DLGAP5: variants seen among roughly 807,000 people sequenced by gnomAD.
The protein encoded by DLGAP5 is DLG associated protein 5.
In DLGAP5, 90 loss-of-function variants were observed where a neutral mutation model predicts 99.6. The ratio of observed to expected loss-of-function variants is 0.90; its 90% CI spans 0.76 to 1.08. DLGAP5 has a LOEUF of 1.08. DLGAP5 is among the 50% of genes least tolerant of loss of function. DLGAP5 has a pLI of 0.00. For missense variants in DLGAP5, 1,036 were observed against 983.5 expected (o/e 1.05, Z -0.71); for synonymous variants, 311 against 321.3 (o/e 0.97, Z 0.34).
In DLGAP5 at chr14:55,166,406, A is replaced by C. The variant is rs115915553; in HGVS notation, c.1548+2993T>G. Among the ~76,000 whole-genome samples the C allele has an allele frequency of 8.8e-3, 1,341 of 152,334 alleles. 20 individuals carry two copies. The highest frequency in any genetic ancestry group is 0.03 in the African/African-American group (1,234 of 41,582). On this transcript the variant is annotated intron_variant, in intron 12 of 18. Coordinates refer to ENST00000247191, the MANE Select transcript of DLGAP5 (RefSeq NM_014750.5). Reference sequence around the variant, plus strand: ...AGGAGTAGAAATGGGGATTGACTGCAAACAGGCAGGAGGCATCTTTTTATA... The same window carrying C: ...AGGAGTAGAAATGGGGATTGACTGCCAACAGGCAGGAGGCATCTTTTTATA...
At chr14:55,168,828 C>T (rs943184999) in intron 12 of DLGAP5, among the ~76,000 whole-genome samples, 1 of 152,014 alleles carries the variant, frequency 6.6e-6, no homozygotes, top group Non-Finnish European at 1.5e-5. Flanking sequence ...TCTCACAGGT[C>T]GAATCATTAT....
intron 10 of DLGAP5, among the ~76,000 whole-genome samples, chr14:55,173,603 C>A (rs58927205): frequency 0.067 from 9,886 of 148,356 alleles, 309 homozygotes; most frequent in African/African-American, 0.075. Flanking sequence ...CTCTCTCTCT[C>A]TATATATATA....
chr14:55,170,930 TA>T, intron 10 of DLGAP5, 143 bp from the exon 11 acceptor site: 1 of 604,280 alleles, frequency 1.7e-6, no homozygotes, highest in Non-Finnish European at 2.9e-6. Context: ...GAATTATTTA[TA>T]AACTGTGATA....
In DLGAP5 at chr14:55,183,550, C is replaced by T; in HGVS notation, c.432+10G>A. The stretch of plus-strand genomic sequence containing the variant: ...GAAACTATTCCTTTATATTAAGACA[C>T]TAAATTTACCTTTTTTGGCTCAGCT... On this transcript the variant is annotated intron_variant, in intron 3 of 18. Transcript: ENST00000247191. 1 of 1,539,138 alleles carries T rather than the reference C, an allele frequency of 6.5e-7. No homozygotes were observed. The highest frequency in any genetic ancestry group is 8.7e-7 in the Non-Finnish European group (1 of 1,150,150).
intron 13 of DLGAP5, among the ~76,000 whole-genome samples, chr14:55,159,756 AGGTTG>A (rs1025359935): frequency 1.3e-5 from 2 of 152,204 alleles, no homozygotes; most frequent in African/African-American, 4.8e-5. Flanking sequence ...GAATCATCAC[AGGTTG>A]GGTAAGATTG....
At chr14:55,153,565 C>T (rs1488123735) in intron 15 of DLGAP5, among the ~76,000 whole-genome samples, 1 of 151,374 alleles carries the variant, frequency 6.6e-6, no homozygotes, top group East Asian at 2.0e-4. Flanking sequence ...AATTTATCTC[C>T]ACTTCTTTCA....
chr14:55,148,571 A>G (rs374415089), intron 18 of DLGAP5, 98 bp from the exon 19 acceptor site: 1 of 1,586,784 alleles, frequency 6.3e-7, no homozygotes, highest in Admixed American at 1.7e-5. Flanking sequence ...TAACAAAAAT[A>G]AACCGGGTGC....
chr14:55,153,676 G>A (rs1399079066), intron 15 of DLGAP5, among the ~76,000 whole-genome samples: 1 of 152,052 alleles, frequency 6.6e-6, no homozygotes, highest in African/African-American at 2.4e-5. Context: ...CTTTGAGGAT[G>A]TTTTGGGGAA....
At position 55,177,299 on chromosome 14, in the gene DLGAP5, A is replaced by T; in HGVS notation, c.812T>A (p.Leu271Ter). ...ACTTGTTGCATTAGTTTGTGAATTC[A>T]AAGTATTTTCTTCACTATCGACTTT... is the stretch of plus-strand genomic sequence containing the variant. The part of the protein sequence containing the change: ...SCKVDSEENT[L>*]NSQTNATSGM... The change falls in exon 8 of 19, where the codon TTG becomes TAG. Residue 271 changes from leucine (L) to a stop codon, truncating the protein, a stop_gained. Transcript: ENST00000247191. LOFTEE classifies it high-confidence loss of function. 2 of 1,608,100 alleles carry T rather than the reference A, an allele frequency of 1.2e-6. No individual in the cohort carries two copies. The highest frequency in any genetic ancestry group is 1.7e-6 in the Non-Finnish European group (2 of 1,178,192).
rs906226458 is a variant in DLGAP5, at chr14:55,191,569, C to T, written c.-108G>A. ...GCAGGAACCCTCACAACCCGAGCCT[C>T]CACGAAATTCAAACTTGCCGCACCG... is the stretch of plus-strand genomic sequence containing the variant. On this transcript the variant is annotated 5_prime_UTR_variant, in exon 1 of 19. Transcript: ENST00000247191. The T allele has an allele frequency of 3.3e-5, 5 of 152,752 alleles. No homozygotes were observed. The highest frequency in any genetic ancestry group is 1.2e-4 in the African/African-American group (5 of 41,430). 9.5% of individuals were successfully genotyped at this position (152,752 alleles called of 1,614,324 possible).
chr14:55,161,408 A>ATT (rs551424574), intron 13 of DLGAP5, among the ~76,000 whole-genome samples: 2,083 of 115,900 alleles, frequency 0.018, 85 homozygotes, highest in African/African-American at 0.07. Flanking sequence ...TAAAAAAAAA[A>ATT]TTTTTTTTTT....
chr14:55,177,307 T>C lies in DLGAP5; in HGVS notation c.804A>G (p.Glu268=). The C allele has an allele frequency of 4.4e-6, 7 of 1,606,146 alleles. No homozygotes were observed. Among genetic ancestry groups the C allele is most frequent in the Non-Finnish European group, 5.9e-6 (7 of 1,177,400 alleles). ...KGISCKVDSE[E]NTLNSQTNAT... ...CATTAGTTTGTGAATTCAAAGTATT[T>C]TCTTCACTATCGACTTTACAAGAAA... The change falls in exon 8 of 19, where the codon GAA becomes GAG. Residue 268 remains glutamate, a synonymous_variant. Transcript: ENST00000247191.
chr14:55,183,485 GGTTA>G, intron 3 of DLGAP5, 71 bp downstream of exon 3: 1 of 1,242,698 alleles, frequency 8.0e-7, no homozygotes, highest in Non-Finnish European at 1.1e-6. Context: ...AAGGGAAAGG[GGTTA>G]GTCACTTAAT....
intron 2 of DLGAP5, among the ~76,000 whole-genome samples, chr14:55,186,577 T>C (rs929067143): frequency 6.9e-6 from 1 of 144,516 alleles, no homozygotes; most frequent in Non-Finnish European, 1.5e-5. Context: ...TTGAATGTCT[T>C]TGCAAGCTGT....
At chr14:55,148,547 A>C in intron 18 of DLGAP5, 74 bp from the exon 19 acceptor site, 1 of 1,610,148 alleles carries the variant, frequency 6.2e-7, no homozygotes, top group Non-Finnish European at 8.5e-7. Context: ...AACATTCTAT[A>C]GTGGATTAAT....
rs114772897 is a variant in DLGAP5, at chr14:55,187,693, C to T, written c.238+1249G>A. On this transcript the variant is annotated intron_variant, in intron 2 of 18. Transcript: ENST00000247191. ...GAGGCCAGAGTGCAGTGACTTTTCA[C>T]AGGCACCATTGTAGCACACTGAAGC... Among the ~76,000 whole-genome samples, 1,310 of 151,780 alleles carry T rather than the reference C, an allele frequency of 8.6e-3. 19 individuals carry two copies. The highest frequency in any genetic ancestry group is 0.029 in the African/African-American group (1,204 of 41,380).
chr14:55,180,534 T>G, intron 6 of DLGAP5, 122 bp downstream of exon 6: 2 of 1,369,912 alleles, frequency 1.5e-6, no homozygotes, highest in South Asian at 1.4e-5. Context: ...TTTTCAGGTA[T>G]TAGAATTTCC....
At position 55,189,003 on chromosome 14, in the gene DLGAP5, A is replaced by C; in HGVS notation, c.177T>G (p.Ile59Met). The stretch of plus-strand genomic sequence containing the variant: ...GAGATGTCTCATCTAATTCAACAAG[A>C]ATTCTACCTTCCAAGGTTGGAATGT... ...DVNIPTLEGR[I>M]LVELDETSQG... Residue 59 changes from isoleucine (I) to methionine (M), a missense_variant, in exon 2 of 19, where the codon ATT (isoleucine) becomes ATG (methionine). Transcript: ENST00000247191. The C allele has an allele frequency of 6.2e-7, 1 of 1,613,932 alleles. No individual in the cohort carries two copies. The highest frequency in any genetic ancestry group is 8.5e-7 in the Non-Finnish European group (1 of 1,179,962).
chr14:55,170,530 T>G (rs1198869452), intron 11 of DLGAP5, among the ~76,000 whole-genome samples, 172 bp downstream of exon 11: 1 of 152,190 alleles, frequency 6.6e-6, no homozygotes, highest in African/African-American at 2.4e-5. Context: ...TGTTGAGATA[T>G]GAAAAACACT....
Sources: gnomAD v4.1 joint callset for allele counts (sites outside exome capture counted in the v4.1 genomes callset) on GRCh38, gnomAD v4.1.1 for gene constraint, MANE v1.5 for transcripts, NCBI Gene and HGNC (gene_info 2026-07-23, HGNC 2026-07-21) for gene names.